ENTREP2: variants seen among roughly 807,000 people sequenced by gnomAD.
ENTREP2 encodes the protein protein ENTREP2.
the ENTREP2 span, among the ~76,000 whole-genome samples, chr15:29,516,809 G>A: frequency 2.6e-5 from 4 of 152,046 alleles, no homozygotes; most frequent in Non-Finnish European, 5.9e-5. Flanking sequence ...TGGATCTCCA[G>A]GCAGGAAGAG....
the ENTREP2 span, among the ~76,000 whole-genome samples, chr15:29,246,973 G>GCACA: frequency 0.44 from 60,003 of 136,802 alleles, 14,350 homozygotes; most frequent in Non-Finnish European, 0.54. Context: ...GACTGGAAAG[G>GCACA]CACACACACA....
At chr15:29,387,446 A>G in the ENTREP2 span, among the ~76,000 whole-genome samples, 26 of 152,196 alleles carry the variant, frequency 1.7e-4, no homozygotes, top group Non-Finnish European at 2.9e-4. Flanking sequence ...ACAACTACAA[A>G]CCACTGCTCA....
At chr15:29,158,784 T>C in the ENTREP2 span, among the ~76,000 whole-genome samples, 1 of 152,184 alleles carries the variant, frequency 6.6e-6, no homozygotes, top group African/African-American at 2.4e-5. Flanking sequence ...TCTGATGTTA[T>C]TAGCTTTTTG....
chr15:29,254,747 C>A, the ENTREP2 span, among the ~76,000 whole-genome samples: 1 of 152,086 alleles, frequency 6.6e-6, no homozygotes, highest in Non-Finnish European at 1.5e-5. Context: ...ATCCCAGCTA[C>A]TCAGGAGCCT....
At chr15:29,233,153 A>C in the ENTREP2 span, among the ~76,000 whole-genome samples, 28 of 152,298 alleles carry the variant, frequency 1.8e-4, no homozygotes, top group Admixed American at 1.0e-3. Flanking sequence ...TAACTTTCCC[A>C]CATTGAAAAG....
At chr15:29,581,711 T>G in the ENTREP2 span, among the ~76,000 whole-genome samples, 2 of 119,774 alleles carry the variant, frequency 1.7e-5, no homozygotes, top group East Asian at 3.9e-4. Flanking sequence ...AGCAAGTTGG[T>G]TTTTTTTTTA....
the ENTREP2 span, among the ~76,000 whole-genome samples, chr15:29,559,143 G>A: frequency 3.9e-5 from 6 of 152,092 alleles, no homozygotes; most frequent in Non-Finnish European, 1.5e-5. Context: ...AAGTTGATAT[G>A]AAACACTGTT....
chr15:29,542,338 A>G, the ENTREP2 span, among the ~76,000 whole-genome samples: 1 of 151,166 alleles, frequency 6.6e-6, no homozygotes, highest in Non-Finnish European at 1.5e-5. Flanking sequence ...TCACTCTGTC[A>G]CCCAGGCTGG....
chr15:29,119,974 T>C, the ENTREP2 span, among the ~76,000 whole-genome samples: 1 of 152,254 alleles, frequency 6.6e-6, no homozygotes, highest in Non-Finnish European at 1.5e-5. Context: ...ATCTGAGCCA[T>C]GGCCTGCATT....
chr15:29,473,422 T>C, the ENTREP2 span, among the ~76,000 whole-genome samples: 1 of 152,122 alleles, frequency 6.6e-6, no homozygotes, highest in Non-Finnish European at 1.5e-5. Context: ...GAGGATTCCC[T>C]GCGGCAATCC....
chr15:29,156,612 G>A, the ENTREP2 span, among the ~76,000 whole-genome samples: 3 of 152,136 alleles, frequency 2.0e-5, no homozygotes, highest in African/African-American at 4.8e-5. Context: ...CCCGTGAGGC[G>A]GTACCGGAGA....
At chr15:29,402,318 G>GTA in the ENTREP2 span, among the ~76,000 whole-genome samples, 25 of 118,798 alleles carry the variant, frequency 2.1e-4, 1 homozygote, top group African/African-American at 7.8e-4. Context: ...GTGTGTGTGT[G>GTA]TATATATGTA....
At chr15:29,454,094 C>T in the ENTREP2 span, among the ~76,000 whole-genome samples, 5 of 152,180 alleles carry the variant, frequency 3.3e-5, no homozygotes, top group African/African-American at 1.2e-4. Flanking sequence ...GAGTATTCAT[C>T]CTCCAGCACT....
At chr15:29,337,452 A>G in the ENTREP2 span, among the ~76,000 whole-genome samples, 1 of 152,104 alleles carries the variant, frequency 6.6e-6, no homozygotes, top group Non-Finnish European at 1.5e-5. Flanking sequence ...TGACAGTGAG[A>G]TTTTATCACG....
the ENTREP2 span, among the ~76,000 whole-genome samples, chr15:29,378,803 G>T: frequency 2.6e-5 from 4 of 152,138 alleles, no homozygotes; most frequent in Non-Finnish European, 5.9e-5. Context: ...GTATGCGTGT[G>T]TATATCTATC....
the ENTREP2 span, among the ~76,000 whole-genome samples, chr15:29,584,681 G>T: frequency 6.6e-6 from 1 of 152,128 alleles, no homozygotes; most frequent in Non-Finnish European, 1.5e-5. Flanking sequence ...GAAATGGGGA[G>T]ATGTTGGTCA....
At chr15:29,342,464 G>A in the ENTREP2 span, among the ~76,000 whole-genome samples, 1 of 152,164 alleles carries the variant, frequency 6.6e-6, no homozygotes, top group African/African-American at 2.4e-5. Flanking sequence ...TCTCCCTTCC[G>A]ATGTACAGGT....
At chr15:29,385,771 G>T in the ENTREP2 span, among the ~76,000 whole-genome samples, 1 of 152,196 alleles carries the variant, frequency 6.6e-6, no homozygotes, top group African/African-American at 2.4e-5. Context: ...ACCTAAGTGA[G>T]AACGGGCAAT....
At chr15:29,494,603 T>A in the ENTREP2 span, among the ~76,000 whole-genome samples, 3 of 152,196 alleles carry the variant, frequency 2.0e-5, no homozygotes, top group African/African-American at 7.2e-5. Context: ...CCACATTAGG[T>A]CTCCAAAACT....
Sources: allele counts gnomAD v4.1 joint callset (sites outside exome capture counted in the v4.1 genomes callset), GRCh38; gene constraint gnomAD v4.1.1; transcripts MANE v1.5; gene names NCBI Gene and HGNC (gene_info 2026-07-23, HGNC 2026-07-21).